PI15: variants seen among roughly 807,000 people sequenced by gnomAD.
The protein encoded by PI15 is peptidase inhibitor 15, also known as 25 kDa trypsin inhibitor.
PI15 carries 18 observed loss-of-function variants against 31.0 expected under a neutral mutation model. That is an observed-to-expected ratio of 0.58 (90% CI 0.40 to 0.86). The LOEUF (loss-of-function observed/expected upper bound fraction) is 0.86, where lower values mean the gene tolerates loss of function less well. Ranked by LOEUF, PI15 falls within the 40% of genes least tolerant of loss-of-function variation. PI15 has a pLI of 0.00. For synonymous variants in PI15, 118 were observed against 119.1 expected (o/e 0.99, Z 0.06); for missense variants, 282 against 328.1 (o/e 0.86, Z 1.09).
chr8:74,848,933 A>G (rs1014265904), intron 5 of PI15, among the ~76,000 whole-genome samples, 185 bp from the exon 6 acceptor site: 2 of 152,046 alleles, frequency 1.3e-5, no homozygotes, highest in African/African-American at 4.8e-5. Flanking sequence ...AGTTTTCAAA[A>G]GCAAGATATA....
chr8:74,848,728 T>TAGAG (rs1449896139), intron 5 of PI15, among the ~76,000 whole-genome samples: 56 of 141,886 alleles, frequency 3.9e-4, no homozygotes, highest in Middle Eastern at 3.6e-3. Context: ...TATATATATA[T>TAGAG]ATATAGAGAG....
At chr8:74,831,589 AGGGACTCTCTTT>A in intron 2 of PI15, among the ~76,000 whole-genome samples, 1 of 152,036 alleles carries the variant, frequency 6.6e-6, no homozygotes, top group East Asian at 1.9e-4. Context: ...TGGGGAGCAA[AGGGACTCTCTTT>A]GGTAGGAAGT....
chr8:74,824,668 G>A lies in PI15; in HGVS notation c.-48G>A, dbSNP rs77923189. The A allele has an allele frequency of 1.3e-5, 2 of 153,526 alleles. No homozygotes were observed. The highest frequency in any genetic ancestry group is 4.8e-5 in the African/African-American group (2 of 41,450). 9.5% of individuals were successfully genotyped at this position (153,526 alleles called of 1,614,324 possible). A position where few individuals can be genotyped will look rare whatever the true frequency, so the allele number is the denominator to read the frequency against. On this transcript the variant is annotated 5_prime_UTR_variant, in exon 1 of 6. It adds an upstream start codon to the 5' untranslated region. Transcript: ENST00000260113. ...AGAACAATATATTCATTTTGGCATT[G>A]TGCAGAGGTAAGCTATTTAGCTCAA...
Position 74,845,195 on chromosome 8 carries a change from C to G in PI15, c.460C>G (p.Pro154Ala). Reference sequence around the variant, plus strand: ...AGTGAAAGATTATGCTTTTCCATATCCCCAGGATTGCAACCCCAGATGTCC... The same window carrying G: ...AGTGAAAGATTATGCTTTTCCATATGCCCAGGATTGCAACCCCAGATGTCC... ...DEVKDYAFPYPQDCNPRCPMR... is the reference protein window; with the variant it reads ...DEVKDYAFPYAQDCNPRCPMR... Residue 154 changes from proline to alanine, a missense_variant, in exon 4 of 6, where the codon CCC (proline) becomes GCC (alanine). Coordinates refer to ENST00000260113, the MANE Select transcript of PI15 (RefSeq NM_015886.5). 1 of 1,612,260 alleles carries G rather than the reference C, an allele frequency of 6.2e-7. No homozygotes were observed. The highest frequency in any genetic ancestry group is 8.5e-7 in the Non-Finnish European group (1 of 1,178,330).
chr8:74,831,386 C>T (rs1810779313), intron 2 of PI15, among the ~76,000 whole-genome samples: 3 of 152,136 alleles, frequency 2.0e-5, no homozygotes, highest in Non-Finnish European at 2.9e-5. Flanking sequence ...TAGAGCCTAG[C>T]ATCATGTCTG....
intron 2 of PI15, among the ~76,000 whole-genome samples, chr8:74,843,693 A>C (rs953454723): frequency 1.3e-5 from 2 of 152,046 alleles, no homozygotes; most frequent in African/African-American, 4.8e-5. Flanking sequence ...GTGAAACCCT[A>C]TCACTACGAA....
intron 2 of PI15, among the ~76,000 whole-genome samples, chr8:74,841,775 A>C (rs1426814724): frequency 6.6e-6 from 1 of 152,200 alleles, no homozygotes; most frequent in Non-Finnish European, 1.5e-5. Context: ...TTTGGTCAGA[A>C]GAAAAAATAT....
chr8:74,831,888 G>A (rs890424539), intron 2 of PI15, among the ~76,000 whole-genome samples: 1 of 152,076 alleles, frequency 6.6e-6, no homozygotes, highest in Non-Finnish European at 1.5e-5. Flanking sequence ...AAAACTCATT[G>A]AGGCTTGGAT....
chr8:74,848,066 ACT>A lies in PI15; in HGVS notation c.642-1049_642-1048del, dbSNP rs757374090. Among the ~76,000 whole-genome samples the A allele has an allele frequency of 3.5e-4, 53 of 152,162 alleles. 1 individual carries two copies. Among genetic ancestry groups the A allele is most frequent in the Non-Finnish European group, 5.9e-4 (40 of 68,026 alleles). On this transcript the variant is annotated intron_variant, in intron 5 of 5. Transcript: ENST00000260113. ...CAGTATGGCATCATGGCAGTTTTTA[ACT>A]CTGTTAAGTGGAGATTTTGGTTTAT...
At position 74,845,260 on chromosome 8, in the gene PI15, G is replaced by T; in HGVS notation, c.525G>T (p.Gln175His). 2 of 1,613,384 alleles carry T rather than the reference G, an allele frequency of 1.2e-6. No homozygotes were observed. The highest frequency in any genetic ancestry group is 1.7e-6 in the Non-Finnish European group (2 of 1,179,396). Reference protein sequence around the residue: ...CFGPMCTHYTQMVWATSNRIG... With the variant: ...CFGPMCTHYTHMVWATSNRIG... ...GTCCCATGTGCACACATTATACGCA[G>T]GTTATTTCAATTACCTTGTTAATTT... The change falls in exon 4 of 6, where the codon CAG becomes CAT. Residue 175 changes from glutamine (Q) to histidine (H), a missense_variant and splice_region_variant. Transcript: ENST00000260113.
At chr8:74,834,787 T>A (rs151161506) in intron 2 of PI15, among the ~76,000 whole-genome samples, 3 of 152,274 alleles carry the variant, frequency 2.0e-5, no homozygotes, top group African/African-American at 7.2e-5. Flanking sequence ...GACCATGAGA[T>A]GCCTAGAATT....
At chr8:74,840,621 T>C (rs1810931369) in intron 2 of PI15, among the ~76,000 whole-genome samples, 1 of 152,162 alleles carries the variant, frequency 6.6e-6, no homozygotes, top group Admixed American at 6.6e-5. Context: ...TTTCCCCTTC[T>C]TGAGTAGATG....
At chr8:74,832,643 G>A (rs897403024) in intron 2 of PI15, among the ~76,000 whole-genome samples, 53 of 152,094 alleles carry the variant, frequency 3.5e-4, no homozygotes, top group African/African-American at 1.2e-3. Flanking sequence ...GTATGAAGTG[G>A]GCACAGAAGA....
intron 2 of PI15, among the ~76,000 whole-genome samples, chr8:74,843,333 A>C (rs933947344): frequency 6.6e-6 from 1 of 152,234 alleles, no homozygotes; most frequent in African/African-American, 2.4e-5. Flanking sequence ...AAAAGGCAGT[A>C]ATTTTTTGTA....
intron 3 of PI15, among the ~76,000 whole-genome samples, chr8:74,844,615 G>A (rs773870583): frequency 2.0e-5 from 3 of 152,026 alleles, no homozygotes; most frequent in Non-Finnish European, 4.4e-5. Flanking sequence ...ATTCCCATTT[G>A]CTAGGATAAT....
Position 74,844,069 on chromosome 8 carries a change from T to C in PI15, c.362T>C (p.Leu121Ser). Reference protein sequence around the residue: ...DHGPSYLLRFLGQNLSVRTGR... With the variant: ...DHGPSYLLRFSGQNLSVRTGR... ...GGACCTTCTTACTTACTGAGATTTT[T>C]GGGCCAAAATCTATCTGTACGCACT... The change falls in exon 3 of 6, where the codon TTG (leucine) becomes TCG (serine). Residue 121 changes from leucine to serine, a missense_variant. Leu to Ser is a moderately radical substitution (Grantham distance 145, BLOSUM62 -2). Transcript: ENST00000260113. 6.3e-7 allele frequency: 1 copy of C among 1,575,088 alleles called. No individual in the cohort carries two copies. The highest frequency in any genetic ancestry group is 8.7e-7 in the Non-Finnish European group (1 of 1,144,284).
chr8:74,830,615 G>A (rs560797726), intron 2 of PI15, among the ~76,000 whole-genome samples: 47 of 152,238 alleles, frequency 3.1e-4, no homozygotes, highest in Admixed American at 1.0e-3. Context: ...ATGTGGAAGA[G>A]AATGTGGAAA....
chr8:74,851,148 A>AT lies in PI15; in HGVS notation c.*1896dup, dbSNP rs768020357. On this transcript the variant is annotated 3_prime_UTR_variant, in exon 6 of 6. Coordinates refer to ENST00000260113, the MANE Select transcript of PI15 (RefSeq NM_015886.5). ...CATACTACTCTGCCTTTGTGGGCAC[A>AT]TATGTAGACACTACTAAAAATAAAT... 2.0e-5 allele frequency: 3 copies of AT among 152,690 alleles called. No individual in the cohort carries two copies. The highest frequency in any genetic ancestry group is 6.5e-5 in the Admixed American group (1 of 15,292). 9.5% of individuals were successfully genotyped at this position (152,690 alleles called of 1,614,324 possible).
chr8:74,834,755 TACA>T (rs1275488431), intron 2 of PI15, among the ~76,000 whole-genome samples: 1 of 152,192 alleles, frequency 6.6e-6, no homozygotes, highest in African/African-American at 2.4e-5. Context: ...CTGGTTGGGT[TACA>T]ACATGTGTGT....
Sources: allele counts gnomAD v4.1 joint callset (sites outside exome capture counted in the v4.1 genomes callset), GRCh38; gene constraint gnomAD v4.1.1; transcripts MANE v1.5; gene names NCBI Gene and HGNC (gene_info 2026-07-23, HGNC 2026-07-21).